DLG2: variants seen among roughly 807,000 people sequenced by gnomAD.
DLG2 encodes the protein disks large homolog 2.
Under a neutral mutation model 132.5 loss-of-function variants are expected in DLG2, and 45 were observed. The observed-to-expected ratio is 0.34, with a 90% confidence interval of 0.27 to 0.44. DLG2 has a LOEUF of 0.44. DLG2 is among the 20% of genes least tolerant of loss of function. The pLI is 1.00. For missense variants in DLG2, 1,045 were observed against 1,196.9 expected, an observed-to-expected ratio of 0.87 and a Z score of 1.87; for synonymous variants, 424 against 419.6, an observed-to-expected ratio of 1.01 and a Z score of -0.13.
rs541949300 is a variant in DLG2, at chr11:83,585,661, T to A, written c.1941-43803A>T. On this transcript the variant is annotated intron_variant, in intron 19 of 27. Transcript: ENST00000376104. Reference sequence around the variant, plus strand: ...TGGATATTTTTCTGATTGAAAACATTACTTGAATAGTATTTTTCTACTGAA... The same window carrying A: ...TGGATATTTTTCTGATTGAAAACATAACTTGAATAGTATTTTTCTACTGAA... Among the ~76,000 whole-genome samples the A allele has an allele frequency of 2.0e-5, 3 of 152,346 alleles. No individual in the cohort carries two copies. The South Asian group carries it at 6.2e-4, about 32-fold the overall frequency.
chr11:84,823,959 G>A (rs1363957236), intron 6 of DLG2, among the ~76,000 whole-genome samples: 1 of 151,894 alleles, frequency 6.6e-6, no homozygotes, highest in Admixed American at 6.6e-5. Flanking sequence ...TGATTACTAT[G>A]TTCTAGGCAT....
At position 84,360,076 on chromosome 11, in the gene DLG2, A is replaced by G. The variant is rs117577040; in HGVS notation, c.520-108785T>C. On this transcript the variant is annotated intron_variant, in intron 7 of 27. Coordinates refer to ENST00000376104, the MANE Select transcript of DLG2 (RefSeq NM_001142699.3). ...CCATCACCCCAAAACTATTAATGGGATGCAATCAATCGTGCAGGTGAACAG... is the reference window on the plus strand; with the variant it reads ...CCATCACCCCAAAACTATTAATGGGGTGCAATCAATCGTGCAGGTGAACAG... Among the ~76,000 whole-genome samples the G allele has an allele frequency of 9.7e-3, 1,472 of 152,050 alleles. 11 individuals are homozygous for G. The highest frequency in any genetic ancestry group is 0.012 in the Non-Finnish European group (783 of 67,904).
chr11:85,277,048 A>G lies in DLG2; in HGVS notation c.186+8172T>C, dbSNP rs575269502. ...TTAAGTAGAAAATTTCCAGATGAAAACAAAGGGAAAAATATTCCAGGCAGA... is the reference window on the plus strand; with the variant it reads ...TTAAGTAGAAAATTTCCAGATGAAAGCAAAGGGAAAAATATTCCAGGCAGA... On this transcript the variant is annotated intron_variant, in intron 4 of 27. Transcript: ENST00000376104. 2.6e-4 allele frequency among the ~76,000 whole-genome samples: 40 copies of G among 152,168 alleles called. 1 individual carries two copies. Among genetic ancestry groups the G allele is most frequent in the Admixed American group, 1.0e-3 (16 of 15,264 alleles).
At chr11:83,908,282 T>C (rs528435348) in intron 15 of DLG2, among the ~76,000 whole-genome samples, 1 of 152,290 alleles carries the variant, frequency 6.6e-6, no homozygotes, top group Admixed American at 6.5e-5. Flanking sequence ...TCATCTCTAT[T>C]CCTTTATTCA....
At chr11:84,926,160 AAC>A (rs1485382442) in intron 6 of DLG2, among the ~76,000 whole-genome samples, 6 of 152,050 alleles carry the variant, frequency 3.9e-5, no homozygotes, top group African/African-American at 1.4e-4. Flanking sequence ...AAGACCACAA[AAC>A]ACATTTAAAA....
intron 6 of DLG2, among the ~76,000 whole-genome samples, chr11:85,032,614 C>T (rs1014945646): frequency 1.8e-4 from 27 of 152,130 alleles, no homozygotes; most frequent in Middle Eastern, 3.2e-3. Context: ...GCATGAAATT[C>T]TAATACTCAT....
At chr11:84,379,179 A>G (rs1356119769) in intron 7 of DLG2, among the ~76,000 whole-genome samples, 3 of 152,178 alleles carry the variant, frequency 2.0e-5, no homozygotes, top group Non-Finnish European at 4.4e-5. Context: ...AAAGTGAATC[A>G]TCATGATTGA....
At chr11:85,150,490 A>G (rs973858627) in intron 5 of DLG2, among the ~76,000 whole-genome samples, 3 of 152,026 alleles carry the variant, frequency 2.0e-5, no homozygotes, top group Non-Finnish European at 4.4e-5. Context: ...TAACCAATAA[A>G]CATTAATTCC....
intron 7 of DLG2, among the ~76,000 whole-genome samples, chr11:84,512,409 T>C (rs1294584351): frequency 1.3e-5 from 2 of 152,104 alleles, no homozygotes; most frequent in African/African-American, 2.4e-5. Flanking sequence ...TCTGAGGAAA[T>C]TAAAGGCTAC....
chr11:85,525,120 T>C (rs1010186087), intron 3 of DLG2: 2 of 152,190 alleles, frequency 1.3e-5, no homozygotes, highest in South Asian at 4.1e-4. Context: ...ATATAAATTT[T>C]ACCTAAAAAA....
chr11:85,312,538 C>T (rs1371346982), intron 3 of DLG2, among the ~76,000 whole-genome samples: 1 of 151,738 alleles, frequency 6.6e-6, no homozygotes, highest in African/African-American at 2.4e-5. Context: ...AGATATCATA[C>T]ATTCATGCTG....
chr11:85,056,532 T>G (rs1333104419), intron 6 of DLG2, among the ~76,000 whole-genome samples: 2 of 151,972 alleles, frequency 1.3e-5, no homozygotes, highest in African/African-American at 4.8e-5. Flanking sequence ...AATAACGAAG[T>G]GTGTGTCAAT....
intron 6 of DLG2, among the ~76,000 whole-genome samples, chr11:84,945,646 G>T (rs1566473719): frequency 6.6e-6 from 1 of 152,046 alleles, no homozygotes; most frequent in Non-Finnish European, 1.5e-5. Flanking sequence ...TTTTCTTTAG[G>T]GCAGCAAGCT....
chr11:84,313,910 C>G (rs1027909959), intron 7 of DLG2, among the ~76,000 whole-genome samples: 2 of 152,054 alleles, frequency 1.3e-5, no homozygotes, highest in African/African-American at 4.8e-5. Flanking sequence ...ATTTCCTTAC[C>G]TATGATTATG....
chr11:84,256,721 C>T lies in DLG2; in HGVS notation c.520-5430G>A, dbSNP rs538901771. 2.4e-4 allele frequency among the ~76,000 whole-genome samples: 37 copies of T among 152,174 alleles called. 1 individual carries two copies. In the South Asian group the frequency reaches 5.8e-3, roughly 24 times the overall value. On this transcript the variant is annotated intron_variant, in intron 7 of 27. Transcript: ENST00000376104. ...CTTGTCTATTTAGAGGGACACAGGCCCTATAAATGACTTTTATATATGGTA... is the reference window on the plus strand; with the variant it reads ...CTTGTCTATTTAGAGGGACACAGGCTCTATAAATGACTTTTATATATGGTA...
chr11:83,956,615 C>T (rs920558284), intron 14 of DLG2, among the ~76,000 whole-genome samples: 13 of 152,122 alleles, frequency 8.5e-5, no homozygotes, highest in Non-Finnish European at 1.8e-4. Flanking sequence ...GCCCCTACCG[C>T]GAGTCCAGTG....
chr11:85,534,185 ATGATCCACCCAC>A (rs1193058625), intron 3 of DLG2, among the ~76,000 whole-genome samples: 22 of 151,924 alleles, frequency 1.4e-4, no homozygotes, highest in Admixed American at 1.4e-3. Flanking sequence ...CTGGACTCAC[ATGATCCACCCAC>A]CTCAGCCTCC....
At chr11:84,575,412 T>A (rs1322245495) in intron 6 of DLG2, among the ~76,000 whole-genome samples, 1 of 152,136 alleles carries the variant, frequency 6.6e-6, no homozygotes, top group Non-Finnish European at 1.5e-5. Flanking sequence ...TCAAACTTAG[T>A]TCCAACATGG....
intron 3 of DLG2, among the ~76,000 whole-genome samples, chr11:85,594,413 G>GT (rs1245832222): frequency 6.6e-6 from 1 of 152,056 alleles, no homozygotes; most frequent in African/African-American, 2.4e-5. Flanking sequence ...CACTGGTAGA[G>GT]TTTTTTTAAA....
Sources: gnomAD v4.1 joint callset for allele counts (sites outside exome capture counted in the v4.1 genomes callset) on GRCh38, gnomAD v4.1.1 for gene constraint, MANE v1.5 for transcripts, NCBI Gene and HGNC (gene_info 2026-07-23, HGNC 2026-07-21) for gene names.